SCIN: variants seen among roughly 807,000 people sequenced by gnomAD.
SCIN encodes scinderin.
SCIN carries 91 observed loss-of-function variants against 91.8 expected under a neutral mutation model. That is an observed-to-expected ratio of 0.99 (90% CI 0.84 to 1.18). The LOEUF (loss-of-function observed/expected upper bound fraction) is 1.18. Among genes scored for constraint, SCIN ranks in the 50% most tolerant of loss-of-function variants. SCIN has a pLI of 0.00. For missense variants in SCIN, 1,087 were observed against 863.9 expected (o/e 1.26, Z -3.24); for synonymous variants, 367 against 312.6 (o/e 1.17, Z -1.84).
chr7:12,579,718 C>G (rs1322766684), intron 2 of SCIN, among the ~76,000 whole-genome samples: 1 of 152,170 alleles, frequency 6.6e-6, no homozygotes, highest in Non-Finnish European at 1.5e-5. Context: ...AAGTTTGAGA[C>G]CAGCCTGACC....
chr7:12,612,307 G>A (rs374843011), intron 4 of SCIN, among the ~76,000 whole-genome samples: 4 of 152,304 alleles, frequency 2.6e-5, no homozygotes, highest in East Asian at 3.9e-4. Flanking sequence ...CATTGGGAAA[G>A]AGGAGGTCCA....
rs547054848 is a variant in SCIN, at chr7:12,603,303, C to A, written c.517-1211C>A. Among the ~76,000 whole-genome samples, 3 of 152,122 alleles carry A rather than the reference C, an allele frequency of 2.0e-5. No individual in the cohort carries two copies. In the South Asian group the frequency reaches 6.2e-4, roughly 32 times the overall value. ...GGGACTACAGGTGCCCGCCACTACACCTGGCTAATTTTTTATATTTTTAGT... is the reference window on the plus strand; with the variant it reads ...GGGACTACAGGTGCCCGCCACTACAACTGGCTAATTTTTTATATTTTTAGT... On this transcript the variant is annotated intron_variant, in intron 3 of 15. Transcript: ENST00000297029.
intron 15 of SCIN, 122 bp downstream of exon 15, chr7:12,652,023 TTCC>T: frequency 1.6e-6 from 1 of 640,792 alleles, no homozygotes; most frequent in Non-Finnish European, 2.7e-6. Flanking sequence ...TAGCTTAGCA[TTCC>T]TCCTCAAAAC....
At chr7:12,626,313 C>G (rs946889448) in intron 7 of SCIN, 7 of 419,882 alleles carry the variant, frequency 1.7e-5, no homozygotes, top group African/African-American at 1.4e-4. Context: ...ATCATTTCTT[C>G]CAGGTCACAG....
rs748139302 is a variant in SCIN at position 12,644,586 on chromosome 7, G to T, written c.1762G>T (p.Glu588Ter). ...ATAACTGAGTGTGTTTTCCACAGAGGAGTTCTGGAATTCCCTTGGAGGGAA... is the reference window on the plus strand; with the variant it reads ...ATAACTGAGTGTGTTTTCCACAGAGTAGTTCTGGAATTCCCTTGGAGGGAA... ...LRIQEGEEPE[E>*]FWNSLGGKKD... The change falls in exon 13 of 16, where the codon GAG (glutamate) becomes TAG (stop). Residue 588 changes from glutamate (E) to a stop codon, truncating the protein, a stop_gained and splice_region_variant. Transcript: ENST00000297029. LOFTEE classifies it high-confidence loss of function. 3 of 1,612,368 alleles carry T rather than the reference G, an allele frequency of 1.9e-6. No homozygotes were observed. In the South Asian group the frequency reaches 3.3e-5, roughly 18 times the overall value.
In SCIN at chr7:12,657,529, T is replaced by C. The variant is rs1784183408; in HGVS notation, c.*4814T>C. ...TGGACACGAATTTTTAAGTTTTATA[T>C]ATGTGTGTGTATATATATATATATA... On this transcript the variant is annotated 3_prime_UTR_variant, in exon 16 of 16. Coordinates refer to ENST00000297029, the MANE Select transcript of SCIN (RefSeq NM_001112706.3). 1 of 107,580 alleles carries C rather than the reference T, an allele frequency of 9.3e-6. No homozygotes were observed. Among genetic ancestry groups the C allele is most frequent in the African/African-American group, 3.3e-5 (1 of 30,724 alleles). The allele number at this position is 107,580 out of a possible 1,614,324, so 6.7% of individuals were successfully genotyped here. A position where few individuals can be genotyped will look rare whatever the true frequency, so the allele number is the denominator to read the frequency against.
At position 12,654,950 on chromosome 7, in the gene SCIN, T is replaced by C. The variant is rs1163954186; in HGVS notation, c.*2235T>C. 6.6e-6 allele frequency: 1 copy of C among 152,154 alleles called. No homozygotes were observed. Among genetic ancestry groups the C allele is most frequent in the African/African-American group, 2.4e-5 (1 of 41,454 alleles). The allele number at this position is 152,154 out of a possible 1,614,324, so 9.4% of individuals were successfully genotyped here. On this transcript the variant is annotated 3_prime_UTR_variant, in exon 16 of 16. Coordinates refer to ENST00000297029, the MANE Select transcript of SCIN (RefSeq NM_001112706.3). ...CAAAGATGCATGTACTCATGAAGCA[T>C]AAAATTAAAAATATGATACATTCAC...
chr7:12,596,374 T>G (rs149029123), intron 3 of SCIN: 1 of 455,480 alleles, frequency 2.2e-6, no homozygotes, highest in South Asian at 1.5e-5. Context: ...GCAATAGGTG[T>G]GGACCATCAG....
At chr7:12,596,784 C>G (rs924318571) in intron 3 of SCIN, among the ~76,000 whole-genome samples, 15 of 152,026 alleles carry the variant, frequency 9.9e-5, no homozygotes, top group African/African-American at 3.6e-4. Flanking sequence ...CAAAACTGTT[C>G]ATCTGGTCCT....
Position 12,659,871 on chromosome 7 carries a change from A to G in SCIN, c.*7156A>G, listed in dbSNP as rs1784230003. ...TCCAGATGGCCTGAAGCAATTGAAG[A>G]TCTACAAAAGAAGTGAAAATTACCT... is the stretch of plus-strand genomic sequence containing the variant. On this transcript the variant is annotated 3_prime_UTR_variant, in exon 16 of 16. Transcript: ENST00000297029. The G allele has an allele frequency of 1.8e-5, 3 of 166,744 alleles. No individual in the cohort carries two copies. The highest frequency in any genetic ancestry group is 2.6e-5 in the Non-Finnish European group (2 of 77,424). 10.3% of individuals were successfully genotyped at this position (166,744 alleles called of 1,614,324 possible). A position where few individuals can be genotyped will look rare whatever the true frequency, so the allele number is the denominator to read the frequency against.
chr7:12,638,839 C>T (rs1008470150), intron 10 of SCIN, among the ~76,000 whole-genome samples: 2 of 152,094 alleles, frequency 1.3e-5, no homozygotes, highest in Non-Finnish European at 2.9e-5. Context: ...TGACTGAATT[C>T]TTTAAATGCA....
At position 12,649,515 on chromosome 7, in the gene SCIN, G is replaced by A. The variant is rs1211407455; in HGVS notation, c.1930G>A (p.Asp644Asn). 2 of 1,602,870 alleles carry A rather than the reference G, an allele frequency of 1.2e-6. No individual in the cohort carries two copies. Among genetic ancestry groups the A allele is most frequent in the Non-Finnish European group, 1.7e-6 (2 of 1,174,180 alleles). ...EFTQDDLAED[D>N]VMLLDAWEQI... is the part of the protein sequence containing the mutation. ...CACCCAGGATGATTTAGCTGAAGAT[G>A]ATGTCATGTTACTAGATGCTTGGGA... The change falls in exon 14 of 16, where the codon GAT becomes AAT. Residue 644 changes from aspartate (D) to asparagine (N), a missense_variant. Asp to Asn is a conservative substitution (Grantham distance 23). Coordinates refer to ENST00000297029, the MANE Select transcript of SCIN (RefSeq NM_001112706.3).
Position 12,656,305 on chromosome 7 carries a change from C to T in SCIN, c.*3590C>T, listed in dbSNP as rs1056524923. ...GAATTTATACTGTTGTGTAGTGACA[C>T]AAGCCCTTCTGCTGAAAAAGTAGGT... is the stretch of plus-strand genomic sequence containing the variant. On this transcript the variant is annotated 3_prime_UTR_variant, in exon 16 of 16. Transcript: ENST00000297029. 1 of 152,190 alleles carries T rather than the reference C, an allele frequency of 6.6e-6. No homozygotes were observed. The highest frequency in any genetic ancestry group is 2.4e-5 in the African/African-American group (1 of 41,438). 9.4% of individuals were successfully genotyped at this position (152,190 alleles called of 1,614,324 possible).
intron 3 of SCIN, 109 bp from the exon 4 acceptor site, chr7:12,604,405 T>G: frequency 1.1e-6 from 1 of 929,528 alleles, no homozygotes; most frequent in Non-Finnish European, 1.6e-6. Context: ...ACCTCAACAA[T>G]AGGTCATTTA....
intron 13 of SCIN, among the ~76,000 whole-genome samples, chr7:12,646,612 T>G (rs1235291772): frequency 6.6e-6 from 1 of 151,580 alleles, no homozygotes; most frequent in East Asian, 1.9e-4. Context: ...TCACCTAAAT[T>G]TCAAAAAAAA....
At chr7:12,649,101 C>T (rs79606912) in intron 13 of SCIN, among the ~76,000 whole-genome samples, 4,374 of 152,218 alleles carry the variant, frequency 0.029, 76 homozygotes, top group Middle Eastern at 0.051. Context: ...ACTCTTTGGT[C>T]TTCCTAATTA....
intron 4 of SCIN, among the ~76,000 whole-genome samples, chr7:12,615,728 T>C (rs550036913): frequency 5.3e-5 from 8 of 152,216 alleles, no homozygotes; most frequent in African/African-American, 1.7e-4. Context: ...AATATACATT[T>C]TCTTAATGTA....
In SCIN at chr7:12,594,220, C is replaced by T. The variant is rs559874852; in HGVS notation, c.517-10294C>T. 4.3e-4 allele frequency among the ~76,000 whole-genome samples: 65 copies of T among 151,784 alleles called. No homozygotes were observed. In the South Asian group the frequency reaches 0.012, roughly 28 times the overall value. On this transcript the variant is annotated intron_variant, in intron 3 of 15. Transcript: ENST00000297029. ...GGGGTAGAGCCGGAGCAGGGACATA[C>T]GGTGGAGGATCATGATGCTCTGGTG...
At chr7:12,594,042 C>T (rs760028665) in intron 3 of SCIN, among the ~76,000 whole-genome samples, 1 of 152,104 alleles carries the variant, frequency 6.6e-6, no homozygotes, top group Non-Finnish European at 1.5e-5. Context: ...GAGAAAGGGA[C>T]GTGGACATGG....
Sources: allele counts gnomAD v4.1 joint callset (sites outside exome capture counted in the v4.1 genomes callset), GRCh38; gene constraint gnomAD v4.1.1; transcripts MANE v1.5; gene names NCBI Gene and HGNC (gene_info 2026-07-23, HGNC 2026-07-21).